OTUD7B: variants seen among roughly 807,000 people sequenced by gnomAD.
OTUD7B encodes OTU deubiquitinase 7B.
OTUD7B carries 34 observed loss-of-function variants against 82.2 expected under a neutral mutation model. That is an observed-to-expected ratio of 0.41 (90% CI 0.31 to 0.55). OTUD7B has a LOEUF of 0.55. Among genes scored for constraint, OTUD7B ranks in the 20% least tolerant of loss-of-function variants. OTUD7B has a pLI of 0.20. For missense variants in OTUD7B, 944 were observed against 1,062.1 expected, an observed-to-expected ratio of 0.89 and a Z score of 1.55; for synonymous variants, 398 against 402.7, an observed-to-expected ratio of 0.99 and a Z score of 0.14.
chr1:149,949,911 C>T, intron 8 of OTUD7B, 133 bp from the exon 9 acceptor site: 1 of 1,275,834 alleles, frequency 7.8e-7, no homozygotes. Context: ...CTAAGAAGCC[C>T]TGTCAACTAA....
intron 6 of OTUD7B, 91 bp downstream of exon 6, chr1:149,964,130 CA>C: frequency 6.8e-7 from 1 of 1,460,078 alleles, no homozygotes; most frequent in Admixed American, 1.8e-5. Flanking sequence ...CTGACCTAAA[CA>C]CTTGGAAATA....
chr1:149,965,790 A>C lies in OTUD7B; in HGVS notation c.591T>G (p.His197Gln). 1.9e-6 allele frequency: 3 copies of C among 1,613,220 alleles called. No homozygotes were observed. Among genetic ancestry groups the C allele is most frequent in the Non-Finnish European group, 2.5e-6 (3 of 1,179,244 alleles). ...TTCAAGACTCACCAAGGGAGGCTGC[A>C]TGCAGGAGGCAGTTCCCATCTCCAG... The part of the protein sequence containing the change: ...ATTGDGNCLL[H>Q]AASLGMWGFH... Residue 197 changes from histidine (H) to glutamine (Q), a missense_variant, in exon 5 of 12, where the codon CAT becomes CAG. His to Gln is a conservative substitution (Grantham distance 24). This residue lies in a region of OTUD7B where 530 missense variants were observed against 625.6 expected (regional missense o/e 0.85). Coordinates refer to ENST00000581312, the MANE Select transcript of OTUD7B (RefSeq NM_020205.4).
intron 7 of OTUD7B, 152 bp downstream of exon 7, chr1:149,959,532 A>AT: frequency 1.6e-6 from 1 of 614,272 alleles, no homozygotes; most frequent in Non-Finnish European, 3.0e-6. Context: ...GTTCCTAAAC[A>AT]TATCATGTTG....
intron 1 of OTUD7B, among the ~76,000 whole-genome samples, chr1:149,983,864 G>T (rs988724571): frequency 1.3e-5 from 2 of 152,144 alleles, no homozygotes; most frequent in African/African-American, 4.8e-5. Context: ...GCAAAATAGC[G>T]CTAAACCAGG....
At chr1:150,018,432 G>A in the OTUD7B span, among the ~76,000 whole-genome samples, 7 of 152,046 alleles carry the variant, frequency 4.6e-5, no homozygotes, top group African/African-American at 1.4e-4. Flanking sequence ...CTCCTTCCCC[G>A]GGCTGCAGAT....
At chr1:150,017,903 G>C in the OTUD7B span, among the ~76,000 whole-genome samples, 1 of 152,068 alleles carries the variant, frequency 6.6e-6, no homozygotes, top group African/African-American at 2.4e-5. Flanking sequence ...GGAGCTTTGG[G>C]GTTCAGTGAC....
chr1:150,052,425 T>TA, the OTUD7B span, among the ~76,000 whole-genome samples: 2 of 151,986 alleles, frequency 1.3e-5, no homozygotes, highest in African/African-American at 2.4e-5. Flanking sequence ...CAATTGTCAC[T>TA]AAAAAAATAA....
At position 149,943,532 on chromosome 1, in the gene OTUD7B, A is replaced by G. The variant is rs1571575888; in HGVS notation, c.*325T>C. On this transcript the variant is annotated 3_prime_UTR_variant, in exon 12 of 12. Transcript: ENST00000581312. Reference sequence around the variant, plus strand: ...TGCCCACCTCCCACCCCCACACACCAAACCTTCCCCTGCTACTTTCTCTTA... The same window carrying G: ...TGCCCACCTCCCACCCCCACACACCGAACCTTCCCCTGCTACTTTCTCTTA... 4.1e-6 allele frequency: 1 copy of G among 245,578 alleles called. No individual in the cohort carries two copies. The allele number at this position is 245,578 out of a possible 1,614,324, so 15.2% of individuals were successfully genotyped here.
At chr1:150,010,829 G>A (rs1198845022), upstream of OTUD7B, among the ~76,000 whole-genome samples, 2 of 152,122 alleles carry the variant, frequency 1.3e-5, no homozygotes, top group Non-Finnish European at 2.9e-5. Flanking sequence ...CCGCCCCGTC[G>A]CAGCCCCGCC....
the OTUD7B span, among the ~76,000 whole-genome samples, chr1:150,034,050 C>G: frequency 6.6e-6 from 1 of 152,060 alleles, no homozygotes; most frequent in Admixed American, 6.6e-5. Context: ...TTATAATGGA[C>G]AACACTGAGG....
chr1:150,017,593 A>T, the OTUD7B span, among the ~76,000 whole-genome samples: 1 of 152,136 alleles, frequency 6.6e-6, no homozygotes, highest in East Asian at 1.9e-4. Flanking sequence ...AAGACTACCA[A>T]CACTTTAGCT....
At chr1:149,987,799 C>T (rs921687652) in intron 1 of OTUD7B, among the ~76,000 whole-genome samples, 3 of 152,202 alleles carry the variant, frequency 2.0e-5, no homozygotes, top group African/African-American at 7.2e-5. Flanking sequence ...CAAGAAAATA[C>T]CCTAAAGGGG....
intron 6 of OTUD7B, chr1:149,961,933 G>A (rs1187933848): frequency 6.6e-6 from 1 of 151,862 alleles, no homozygotes. Context: ...ATTTTATTTG[G>A]CTGACATTAG....
chr1:149,955,733 G>A (rs1432005601), intron 7 of OTUD7B, among the ~76,000 whole-genome samples: 1 of 152,010 alleles, frequency 6.6e-6, no homozygotes, highest in Non-Finnish European at 1.5e-5. Flanking sequence ...CTCCTGTATT[G>A]GGTGCATATA....
Position 149,979,294 on chromosome 1 carries a change from T to C in OTUD7B, c.-66-1718A>G, listed in dbSNP as rs1263885852. Among the ~76,000 whole-genome samples, 6 of 152,170 alleles carry C rather than the reference T, an allele frequency of 3.9e-5. 1 individual carries two copies. The highest frequency in any genetic ancestry group is 1.4e-4 in the African/African-American group (6 of 41,426). On this transcript the variant is annotated intron_variant, in intron 1 of 11. Coordinates refer to ENST00000581312, the MANE Select transcript of OTUD7B (RefSeq NM_020205.4). ...GCACTTCTTATCACCATTCTATTTC[T>C]AAGTTTTAAAAACTCTCCTTTCCAA...
intron 7 of OTUD7B, among the ~76,000 whole-genome samples, chr1:149,955,136 G>A (rs1191021348): frequency 1.3e-5 from 2 of 151,940 alleles, no homozygotes; most frequent in Admixed American, 1.3e-4. Flanking sequence ...GTGATGTTAG[G>A]GTGTCAATTT....
At chr1:150,020,906 A>G in the OTUD7B span, among the ~76,000 whole-genome samples, 4 of 152,114 alleles carry the variant, frequency 2.6e-5, no homozygotes, top group African/African-American at 9.7e-5. Context: ...CAGGGTGTGG[A>G]TCTTTGACCC....
chr1:149,950,756 G>A (rs1374384713), intron 7 of OTUD7B, among the ~76,000 whole-genome samples: 2 of 147,972 alleles, frequency 1.4e-5, no homozygotes, highest in Non-Finnish European at 1.5e-5. Context: ...GTAGTCACGT[G>A]ATTTAACCAA....
intron 7 of OTUD7B, among the ~76,000 whole-genome samples, chr1:149,951,001 TA>T (rs1324865313): frequency 1.6e-5 from 1 of 63,720 alleles, no homozygotes; most frequent in African/African-American, 7.0e-5. Flanking sequence ...TTTTTTTTTG[TA>T]GATGGAGTCT....
Sources: allele counts gnomAD v4.1 joint callset (sites outside exome capture counted in the v4.1 genomes callset), GRCh38; gene constraint gnomAD v4.1.1; regional missense constraint gnomAD v4.1.1; transcripts MANE v1.5; gene names NCBI Gene and HGNC (gene_info 2026-07-23, HGNC 2026-07-21).